CNTNAP5: variants seen among roughly 807,000 people sequenced by gnomAD.
CNTNAP5 encodes the protein contactin associated protein family member 5, also known as contactin-associated protein-like 5.
Under a neutral mutation model 150.2 loss-of-function variants are expected in CNTNAP5, and 72 were observed. The observed-to-expected ratio is 0.48, with a 90% CI of 0.40 to 0.58. The LOEUF is 0.58. CNTNAP5 is among the 20% of genes least tolerant of loss of function. The pLI, the probability that CNTNAP5 is intolerant of heterozygous loss-of-function variation, is 0.00. For synonymous variants in CNTNAP5, 672 were observed against 619.8 expected (o/e 1.08, Z -1.25); for missense variants, 1,636 against 1,626.2 (o/e 1.01, Z -0.10).
At chr2:124,647,730 C>A in intron 12 of CNTNAP5, 28 bp from the exon 13 acceptor site, 1 of 1,554,544 alleles carries the variant, frequency 6.4e-7, no homozygotes, top group South Asian at 1.2e-5. Context: ...TCTAACGTCT[C>A]TTGCTTTGTG....
intron 13 of CNTNAP5, among the ~76,000 whole-genome samples, chr2:124,698,794 TC>T (rs1266582055): frequency 6.6e-6 from 1 of 152,022 alleles, no homozygotes; most frequent in Non-Finnish European, 1.5e-5. Flanking sequence ...CTGGGGAGCC[TC>T]CCACTCTGAG....
chr2:124,306,945 C>G (rs1688708707), intron 3 of CNTNAP5, among the ~76,000 whole-genome samples: 1 of 151,890 alleles, frequency 6.6e-6, no homozygotes, highest in Admixed American at 6.6e-5. Context: ...CCAGGATGGT[C>G]TCAAACTCCT....
intron 4 of CNTNAP5, among the ~76,000 whole-genome samples, chr2:124,418,488 A>G (rs941100050): frequency 1.3e-5 from 2 of 152,304 alleles, no homozygotes; most frequent in East Asian, 3.9e-4. Context: ...CATCCCATAC[A>G]TACTGGATTA....
intron 5 of CNTNAP5, among the ~76,000 whole-genome samples, chr2:124,445,942 T>C (rs1366206274): frequency 6.6e-6 from 1 of 152,134 alleles, no homozygotes; most frequent in Non-Finnish European, 1.5e-5. Flanking sequence ...TTCCATAAAA[T>C]TGAGAGAGAA....
At chr2:124,481,731 T>C (rs1054574609) in intron 7 of CNTNAP5, among the ~76,000 whole-genome samples, 1 of 152,120 alleles carries the variant, frequency 6.6e-6, no homozygotes, top group Non-Finnish European at 1.5e-5. Context: ...ACAAATACTA[T>C]TTCAGCACTA....
chr2:124,704,160 T>A (rs1461770183), intron 13 of CNTNAP5, among the ~76,000 whole-genome samples: 2 of 152,204 alleles, frequency 1.3e-5, no homozygotes, highest in African/African-American at 4.8e-5. Flanking sequence ...TTTAAATCTG[T>A]ACTCCAAAGA....
At chr2:124,776,440 G>A (rs1255960899) in intron 17 of CNTNAP5, among the ~76,000 whole-genome samples, 6 of 152,154 alleles carry the variant, frequency 3.9e-5, no homozygotes, top group African/African-American at 1.4e-4. Flanking sequence ...CAGGCTGGAA[G>A]GGAATTATTA....
intron 10 of CNTNAP5, among the ~76,000 whole-genome samples, chr2:124,559,620 C>T (rs540474962): frequency 1.4e-4 from 22 of 152,270 alleles, no homozygotes; most frequent in East Asian, 5.8e-4. Flanking sequence ...AGTGCCCTCA[C>T]GCTTAATTCA....
At chr2:124,636,737 G>A (rs904707599) in intron 12 of CNTNAP5, among the ~76,000 whole-genome samples, 13 of 151,998 alleles carry the variant, frequency 8.6e-5, no homozygotes, top group African/African-American at 3.1e-4. Flanking sequence ...ATAATTTTCA[G>A]CACTTACTAC....
At chr2:124,870,885 A>G (rs1157204216) in intron 21 of CNTNAP5, among the ~76,000 whole-genome samples, 2 of 152,096 alleles carry the variant, frequency 1.3e-5, no homozygotes, top group Non-Finnish European at 2.9e-5. Flanking sequence ...CTGAAAAGGC[A>G]TAAAAATGAT....
intron 23 of CNTNAP5, among the ~76,000 whole-genome samples, chr2:124,912,638 G>A (rs563610155): frequency 2.5e-4 from 38 of 152,238 alleles, no homozygotes; most frequent in African/African-American, 7.9e-4. Flanking sequence ...ATAGAGAAAT[G>A]TGGGAAAGAA....
chr2:124,865,368 G>A lies in CNTNAP5; in HGVS notation c.3280G>A (p.Asp1094Asn), dbSNP rs1304901887. ...EETHVFTIDA[D>N]NFANRRMHHL... ...AACCCATGTATTCACCATTGATGCAGATAACTTTGCTAACAGAAGGATGCA... is the reference window on the plus strand; with the variant it reads ...AACCCATGTATTCACCATTGATGCAAATAACTTTGCTAACAGAAGGATGCA... The change falls in exon 20 of 24, where the codon GAT becomes AAT. Residue 1094 changes from aspartate to asparagine, a missense_variant. Asp to Asn is a conservative substitution (Grantham distance 23). Transcript: ENST00000682447. 7 of 1,559,838 alleles carry A rather than the reference G, an allele frequency of 4.5e-6. No individual in the cohort carries two copies. Among genetic ancestry groups the A allele is most frequent in the Non-Finnish European group, 6.1e-6 (7 of 1,150,570 alleles).
chr2:124,709,279 A>G (rs1237159520), intron 13 of CNTNAP5, among the ~76,000 whole-genome samples: 2 of 151,850 alleles, frequency 1.3e-5, no homozygotes, highest in Non-Finnish European at 2.9e-5. Context: ...ATAGACTTAT[A>G]AATAAAAATG....
intron 9 of CNTNAP5, among the ~76,000 whole-genome samples, chr2:124,525,990 A>T (rs1277653756): frequency 6.6e-6 from 1 of 152,216 alleles, no homozygotes; most frequent in Non-Finnish European, 1.5e-5. Flanking sequence ...GTCCGAAAAG[A>T]TAACCTCACA....
chr2:124,781,855 A>G (rs1681459981), intron 17 of CNTNAP5, among the ~76,000 whole-genome samples: 1 of 152,134 alleles, frequency 6.6e-6, no homozygotes. Flanking sequence ...ATCCTTTCAC[A>G]GATAAATTAA....
In CNTNAP5 at chr2:124,647,822, C is replaced by T; in HGVS notation, c.1941C>T (p.Asn647=). ...NTELTRVRGA[N]PEKPYAMALD... ...AGCTGACCCGAGTGCGGGGCGCTAA[C>T]CCTGAGAAGCCCTATGCCATGGCCT... The change falls in exon 13 of 24, where the codon AAC becomes AAT. Residue 647 remains asparagine, a synonymous_variant. Coordinates refer to ENST00000682447, the MANE Select transcript of CNTNAP5 (RefSeq NM_001367498.1). The T allele has an allele frequency of 6.2e-7, 1 of 1,613,534 alleles. No homozygotes were observed.
At chr2:124,051,150 T>C (rs1436718379) in intron 1 of CNTNAP5, among the ~76,000 whole-genome samples, 2 of 152,160 alleles carry the variant, frequency 1.3e-5, no homozygotes, top group African/African-American at 2.4e-5. Context: ...TCTGCAATAG[T>C]TTGAGGCCTT....
intron 3 of CNTNAP5, among the ~76,000 whole-genome samples, chr2:124,337,431 G>A (rs1689501634): frequency 6.6e-6 from 1 of 152,166 alleles, no homozygotes; most frequent in Non-Finnish European, 1.5e-5. Context: ...TGGTGTTTTA[G>A]ACATGAAGTC....
At chr2:124,107,598 C>A (rs1683196853) in intron 1 of CNTNAP5, among the ~76,000 whole-genome samples, 2 of 152,108 alleles carry the variant, frequency 1.3e-5, no homozygotes, top group Admixed American at 1.3e-4. Context: ...GAAAGTTATG[C>A]TTTTAGTTAA....
Sources: allele counts gnomAD v4.1 joint callset (sites outside exome capture counted in the v4.1 genomes callset), GRCh38; gene constraint gnomAD v4.1.1; transcripts MANE v1.5; gene names NCBI Gene and HGNC (gene_info 2026-07-23, HGNC 2026-07-21).